Variants in RBM23 observed in about 807,000 individuals in gnomAD.
RBM23 encodes the protein probable RNA-binding protein 23.
Under a neutral mutation model 56.2 loss-of-function variants are expected in RBM23, and 53 were observed. The ratio of observed to expected loss-of-function variants is 0.94; its 90% CI spans 0.76 to 1.19. The LOEUF (loss-of-function observed/expected upper bound fraction) is 1.19. Ranked by LOEUF, RBM23 falls within the 50% of genes most tolerant of loss-of-function variation. The probability of loss-of-function intolerance (pLI) is 0.00; values close to 1 mark genes in which losing one functional copy is unlikely to be tolerated. For synonymous variants in RBM23, 197 were observed against 198.5 expected (o/e 0.99, Z 0.06); for missense variants, 642 against 590.3 (o/e 1.09, Z -0.91).
chr14:22,906,173 A>C, intron 5 of RBM23, 22 bp downstream of exon 5: 1 of 1,612,514 alleles, frequency 6.2e-7, no homozygotes, highest in Non-Finnish European at 8.5e-7. Context: ...ACAAAAGTGA[A>C]TCTATTAGCA....
chr14:22,911,409 G>A lies in RBM23; in HGVS notation c.-10-6C>T, dbSNP rs754594807. On this transcript the variant is annotated splice_region_variant and splice_polypyrimidine_tract_variant and intron_variant, in intron 1 of 13. Coordinates refer to ENST00000359890, the MANE Select transcript of RBM23 (RefSeq NM_001077351.2). Reference sequence around the variant, plus strand: ...CAGATGCCATCCTGTCAGATCTGGGGAGAGGATATTAATATGTAAGAATCT... The same window carrying A: ...CAGATGCCATCCTGTCAGATCTGGGAAGAGGATATTAATATGTAAGAATCT... 1 of 1,609,618 alleles carries A rather than the reference G, an allele frequency of 6.2e-7. No individual in the cohort carries two copies. The highest frequency in any genetic ancestry group is 2.2e-5 in the East Asian group (1 of 44,802).
intron 10 of RBM23, 30 bp from the exon 11 acceptor site, chr14:22,902,412 C>A: frequency 6.2e-7 from 1 of 1,600,622 alleles, no homozygotes; most frequent in South Asian, 1.1e-5. Flanking sequence ...TGTTAGTCAC[C>A]TACTCACCAA....
chr14:22,914,695 C>T (rs2043179201), intron 1 of RBM23, among the ~76,000 whole-genome samples: 1 of 151,686 alleles, frequency 6.6e-6, no homozygotes, highest in Admixed American at 6.6e-5. Flanking sequence ...ACTGTAAGAA[C>T]TTTGTTGGCC....
intron 9 of RBM23, 86 bp downstream of exon 9, chr14:22,904,789 C>A: frequency 1.3e-6 from 2 of 1,571,614 alleles, no homozygotes; most frequent in Non-Finnish European, 1.7e-6. Flanking sequence ...TTAATCACGG[C>A]CAGGCACAAC....
rs1193282398 is a variant in RBM23 at position 22,899,112 on chromosome 14, T to C, written c.*2618A>G. On this transcript the variant is annotated 3_prime_UTR_variant, in exon 14 of 14. Transcript: ENST00000359890. ...TGAATGTGTCCCCCAAAAGTTCACA[T>C]TGGAAATTTGACTCCCAATGCAACA... The C allele has an allele frequency of 1.3e-5, 2 of 152,128 alleles. No individual in the cohort carries two copies. The highest frequency in any genetic ancestry group is 1.3e-4 in the Admixed American group (2 of 15,268). The allele number at this position is 152,128 out of a possible 1,614,324, so 9.4% of individuals were successfully genotyped here. A position where few individuals can be genotyped will look rare whatever the true frequency, so the allele number is the denominator to read the frequency against.
At chr14:22,912,998 CAAAAAAA>C (rs58361546) in intron 1 of RBM23, among the ~76,000 whole-genome samples, 2 of 35,412 alleles carry the variant, frequency 5.6e-5, no homozygotes, top group African/African-American at 1.6e-4. Flanking sequence ...GATTCAGTCT[CAAAAAAA>C]AAAAAAAAAA....
At chr14:22,912,889 A>C (rs1369421483) in intron 1 of RBM23, among the ~76,000 whole-genome samples, 3 of 148,976 alleles carry the variant, frequency 2.0e-5, no homozygotes, top group Non-Finnish European at 3.0e-5. Flanking sequence ...AGGCCCAGCT[A>C]CTCGGGAGGC....
chr14:22,913,413 C>CAA (rs57539414), intron 1 of RBM23, among the ~76,000 whole-genome samples: 2 of 115,822 alleles, frequency 1.7e-5, no homozygotes, highest in Admixed American at 9.0e-5. Flanking sequence ...GGCTCCGTCT[C>CAA]AAAAAAAAAA....
chr14:22,908,403 CTTTTT>C, intron 3 of RBM23, 23 bp from the exon 4 acceptor site: 1 of 1,301,124 alleles, frequency 7.7e-7, no homozygotes, highest in Non-Finnish European at 1.0e-6. Flanking sequence ...GTACATTCTT[CTTTTT>C]TTTTTTTTAA....
At position 22,901,528 on chromosome 14, in the gene RBM23, T is replaced by C. The variant is rs945096068; in HGVS notation, c.*202A>G. 3 of 694,568 alleles carry C rather than the reference T, an allele frequency of 4.3e-6. No homozygotes were observed. The highest frequency in any genetic ancestry group is 2.9e-5 in the Admixed American group (1 of 34,526). The allele number at this position is 694,568 out of a possible 1,614,324, so 43.0% of individuals were successfully genotyped here. On this transcript the variant is annotated 3_prime_UTR_variant, in exon 14 of 14. Transcript: ENST00000359890. ...ATTCTGTTCTCTTCAACTGGTGGCT[T>C]TGCTCAGCAGAGTCCATTTCCAGTG...
At chr14:22,906,405 T>G in intron 4 of RBM23, 37 bp from the exon 5 acceptor site, 1 of 1,606,546 alleles carries the variant, frequency 6.2e-7, no homozygotes, top group Non-Finnish European at 8.5e-7. Context: ...GCCCACATCA[T>G]GTTTAGGCCA....
intron 1 of RBM23, among the ~76,000 whole-genome samples, chr14:22,918,476 T>A (rs1357454685): frequency 6.6e-6 from 1 of 152,066 alleles, no homozygotes; most frequent in Non-Finnish European, 1.5e-5. Context: ...TCAATCTTCA[T>A]ATGTGGCATC....
rs552768699 is a variant in RBM23, at chr14:22,893,801, C to G, written c.*7929G>C. ...ATACTGCTTCTCAGGCCTTTATCAT[C>G]TCGGTGACTCCCTGATGGATATGCT... On this transcript the variant is annotated 3_prime_UTR_variant, in exon 14 of 14. Coordinates refer to ENST00000359890, the MANE Select transcript of RBM23 (RefSeq NM_001077351.2). The G allele has an allele frequency of 6.6e-6, 1 of 152,316 alleles. No individual in the cohort carries two copies. Among genetic ancestry groups the G allele is most frequent in the African/African-American group, 2.4e-5 (1 of 41,570 alleles). The allele number at this position is 152,316 out of a possible 1,614,324, so 9.4% of individuals were successfully genotyped here. A position where few individuals can be genotyped will look rare whatever the true frequency, so the allele number is the denominator to read the frequency against.
Position 22,900,675 on chromosome 14 carries a change from ACAT to A in RBM23, c.*1052_*1054del, listed in dbSNP as rs1462577220. ...TTACTAATGTTTTATATCCCTAGAAACATCATAAGTTGGGCTAATGAGAAGTTG... is the reference window on the plus strand; with the variant it reads ...TTACTAATGTTTTATATCCCTAGAAACATAAGTTGGGCTAATGAGAAGTTG... On this transcript the variant is annotated 3_prime_UTR_variant, in exon 14 of 14. Transcript: ENST00000359890. 4.6e-5 allele frequency: 7 copies of A among 152,220 alleles called. No individual in the cohort carries two copies. Among genetic ancestry groups the A allele is most frequent in the Non-Finnish European group, 1.0e-4 (7 of 68,054 alleles). The allele number at this position is 152,220 out of a possible 1,614,324, so 9.4% of individuals were successfully genotyped here.
intron 10 of RBM23, chr14:22,903,418 C>T: frequency 1.0e-6 from 1 of 985,496 alleles, no homozygotes; most frequent in African/African-American, 1.7e-5. Flanking sequence ...AAGTTACTTG[C>T]CACCACAGAA....
chr14:22,907,329 C>T (rs574228733), intron 4 of RBM23, among the ~76,000 whole-genome samples: 1 of 151,762 alleles, frequency 6.6e-6, no homozygotes, highest in Non-Finnish European at 1.5e-5. Context: ...GCAACAAAAG[C>T]GAAACTCGGT....
At chr14:22,916,893 A>T (rs1226433419) in intron 1 of RBM23, 4 of 151,410 alleles carry the variant, frequency 2.6e-5, no homozygotes, top group Non-Finnish European at 5.9e-5. Context: ...TTTTTGAGAG[A>T]GTTTCACTCT....
At position 22,906,240 on chromosome 14, in the gene RBM23, CGAT is replaced by C; in HGVS notation, c.353_355del (p.His118del). 1 of 1,614,250 alleles carries C rather than the reference CGAT, an allele frequency of 6.2e-7. No homozygotes were observed. Reference sequence around the variant, plus strand: ...CCTGTAATGCACACGATCCTCACGACGATGGTCCCGACTTCGCGACTCACTACC... The same window carrying C: ...CCTGTAATGCACACGATCCTCACGACGGTCCCGACTTCGCGACTCACTACC... On this transcript the variant is annotated inframe_deletion, in exon 5 of 14. Transcript: ENST00000359890.
At chr14:22,903,140 C>T (rs2040911532) in intron 10 of RBM23, 5 of 985,306 alleles carry the variant, frequency 5.1e-6, no homozygotes, top group Non-Finnish European at 6.0e-6. Context: ...AGAGGGAACA[C>T]ACCCTAGTGC....
Sources: allele counts gnomAD v4.1 joint callset (sites outside exome capture counted in the v4.1 genomes callset), GRCh38; gene constraint gnomAD v4.1.1; transcripts MANE v1.5; gene names NCBI Gene and HGNC (gene_info 2026-07-23, HGNC 2026-07-21).